Variants in SOX6 observed in about 807,000 individuals in gnomAD.
SOX6 encodes transcription factor SOX-6.
In SOX6, 11 loss-of-function variants were observed where a neutral mutation model predicts 97.8. That is an observed-to-expected ratio of 0.11 (90% CI 0.07 to 0.19). The LOEUF (loss-of-function observed/expected upper bound fraction) is 0.19, where lower values mean the gene tolerates loss of function less well. SOX6 is among the 10% of genes least tolerant of loss of function. The probability of loss-of-function intolerance (pLI) is 1.00; values close to 1 mark genes in which losing one functional copy is unlikely to be tolerated. For synonymous variants in SOX6, 360 were observed against 371.4 expected, an observed-to-expected ratio of 0.97 and a Z score of 0.35; for missense variants, 810 against 1,039.5, an observed-to-expected ratio of 0.78 and a Z score of 3.04.
Position 16,530,967 on chromosome 11 carries a change from GTAAATATATA to G in SOX6, n.610-54589_610-54580del, listed in dbSNP as rs934088742. Among the ~76,000 whole-genome samples, 22 of 146,644 alleles carry G rather than the reference GTAAATATATA, an allele frequency of 1.5e-4. No individual in the cohort carries two copies. The South Asian group carries it at 4.7e-3, about 31-fold the overall frequency. ...AATGTAAATATATTATATATAGAAT[GTAAATATATA>G]TAAATATATATAATGTTAAAATATA... On this transcript the variant is annotated intron_variant and non_coding_transcript_variant, in intron 4 of 5. Transcript: ENST00000524520.
rs1251170285 is a variant in SOX6 at position 15,969,577 on chromosome 11, G to A, written c.*3232C>T. The A allele has an allele frequency of 4.6e-5, 7 of 152,026 alleles. No homozygotes were observed. The highest frequency in any genetic ancestry group is 2.1e-4 in the South Asian group (1 of 4,800). The allele number at this position is 152,026 out of a possible 1,614,324, so 9.4% of individuals were successfully genotyped here. On this transcript the variant is annotated 3_prime_UTR_variant, in exon 16 of 16. Coordinates refer to ENST00000683767, the MANE Select transcript of SOX6 (RefSeq NM_001367873.1). The stretch of plus-strand genomic sequence containing the variant: ...ACTGTAGCTGATAACTCACTACCCC[G>A]AGAGGCACAGTGACTCATCAACTTT...
intron 2 of SOX6, among the ~76,000 whole-genome samples, chr11:16,334,866 C>T (rs1421695330): frequency 6.6e-6 from 1 of 152,062 alleles, no homozygotes; most frequent in Non-Finnish European, 1.5e-5. Flanking sequence ...AACATCGAGA[C>T]ACTTCCAAGT....
At chr11:16,519,913 A>T (rs1374660123) in intron 4 of SOX6, among the ~76,000 whole-genome samples, 1 of 152,082 alleles carries the variant, frequency 6.6e-6, no homozygotes, top group African/African-American at 2.4e-5. Flanking sequence ...ATGCTAACTC[A>T]TTGTGGTTTT....
chr11:16,193,464 T>C (rs1488251043), intron 4 of SOX6, among the ~76,000 whole-genome samples: 2 of 152,200 alleles, frequency 1.3e-5, no homozygotes, highest in African/African-American at 4.8e-5. Flanking sequence ...TCTAGAAACA[T>C]GTCCCAGGGA....
intron 4 of SOX6, among the ~76,000 whole-genome samples, chr11:16,529,560 TC>T (rs1042031960): frequency 5.2e-4 from 79 of 152,202 alleles, no homozygotes; most frequent in African/African-American, 1.9e-3. Flanking sequence ...TTGACATTTG[TC>T]CCCAAATGTT....
At chr11:16,460,793 T>G (rs1247442129) in intron 1 of SOX6, among the ~76,000 whole-genome samples, 2 of 152,062 alleles carry the variant, frequency 1.3e-5, no homozygotes, top group East Asian at 1.9e-4. Flanking sequence ...CATGTACTAA[T>G]CCCTATGTGA....
At chr11:16,359,534 C>G (rs1403080745), upstream of SOX6, among the ~76,000 whole-genome samples, 1 of 152,044 alleles carries the variant, frequency 6.6e-6, no homozygotes, top group African/African-American at 2.4e-5. Flanking sequence ...TGTTTATGCT[C>G]CTGTCATTTG....
At chr11:16,521,544 G>A (rs1590231917) in intron 4 of SOX6, among the ~76,000 whole-genome samples, 1 of 152,170 alleles carries the variant, frequency 6.6e-6, no homozygotes, top group African/African-American at 2.4e-5. Context: ...AAACAGAGCA[G>A]AAAAACTGGA....
At chr11:16,066,678 T>C (rs1848101710) in intron 9 of SOX6, among the ~76,000 whole-genome samples, 1 of 152,148 alleles carries the variant, frequency 6.6e-6, no homozygotes, top group South Asian at 2.1e-4. Flanking sequence ...TCTCACTTAT[T>C]TATGGATCTA....
chr11:16,063,496 TTATATATATATATATATATATATATATA>T (rs66968164), intron 9 of SOX6, among the ~76,000 whole-genome samples: 711 of 35,690 alleles, frequency 0.02, 44 homozygotes, highest in Non-Finnish European at 0.026. Flanking sequence ...TACCATAATT[TTATATATATATATATATATATATATATA>T]TATATATATA....
intron 4 of SOX6, among the ~76,000 whole-genome samples, chr11:16,535,273 A>T (rs1416771768): frequency 1.3e-5 from 2 of 152,204 alleles, no homozygotes; most frequent in Non-Finnish European, 2.9e-5. Flanking sequence ...CTCCCAGTAA[A>T]CCCAGAGCAG....
At chr11:16,322,851 T>C (rs1420799135) in intron 2 of SOX6, among the ~76,000 whole-genome samples, 6 of 152,172 alleles carry the variant, frequency 3.9e-5, no homozygotes, top group African/African-American at 9.7e-5. Flanking sequence ...GTGAATATAA[T>C]TGTGTAAAAA....
intron 4 of SOX6, among the ~76,000 whole-genome samples, chr11:16,529,234 T>C (rs574475200): frequency 6.6e-6 from 1 of 152,170 alleles, no homozygotes; most frequent in Admixed American, 6.6e-5. Flanking sequence ...AACCATCAGG[T>C]AAATAATAAT....
intron 2 of SOX6, among the ~76,000 whole-genome samples, chr11:16,338,331 G>T (rs1856528462): frequency 6.6e-6 from 1 of 151,698 alleles, no homozygotes; most frequent in South Asian, 2.1e-4. Flanking sequence ...TTTTATATTA[G>T]CAGAGTCCTC....
At chr11:16,730,603 GA>G (rs1848342218) in intron 2 of SOX6, among the ~76,000 whole-genome samples, 1 of 152,188 alleles carries the variant, frequency 6.6e-6, no homozygotes, top group African/African-American at 2.4e-5. Context: ...GCAGTGTTTA[GA>G]GGGAAATTTA....
chr11:16,109,616 G>A (rs1263590297), intron 7 of SOX6, among the ~76,000 whole-genome samples: 1 of 152,168 alleles, frequency 6.6e-6, no homozygotes, highest in Admixed American at 6.6e-5. Flanking sequence ...TCATGTGAAT[G>A]ATAAAAACAC....
At chr11:16,597,942 T>C (rs928283230) in intron 4 of SOX6, among the ~76,000 whole-genome samples, 4 of 151,990 alleles carry the variant, frequency 2.6e-5, no homozygotes, top group African/African-American at 9.7e-5. Context: ...GAAAGAAAGT[T>C]AAGAACCTAT....
intron 3 of SOX6, among the ~76,000 whole-genome samples, chr11:16,626,582 G>T (rs1336388545): frequency 1.3e-5 from 2 of 152,070 alleles, no homozygotes; most frequent in Non-Finnish European, 2.9e-5. Context: ...CCTCAAAAAA[G>T]CCTGCTGGGA....
intron 2 of SOX6, among the ~76,000 whole-genome samples, chr11:16,336,278 G>A (rs1856456797): frequency 6.6e-6 from 1 of 152,070 alleles, no homozygotes; most frequent in African/African-American, 2.4e-5. Flanking sequence ...TGCTTCTTAG[G>A]CAAAAAGCTT....
Sources: gnomAD v4.1 joint callset for allele counts (sites outside exome capture counted in the v4.1 genomes callset) on GRCh38, gnomAD v4.1.1 for gene constraint, MANE v1.5 for transcripts, NCBI Gene and HGNC (gene_info 2026-07-23, HGNC 2026-07-21) for gene names.